KCTD8: variants seen among roughly 807,000 people sequenced by gnomAD.
The protein encoded by KCTD8 is BTB/POZ domain-containing protein KCTD8.
Under a neutral mutation model 31.5 loss-of-function variants are expected in KCTD8, and 27 were observed. The ratio of observed to expected loss-of-function variants is 0.86; its 90% CI spans 0.63 to 1.18. KCTD8 has a LOEUF of 1.18. Among genes scored for constraint, KCTD8 ranks in the 50% most tolerant of loss-of-function variants. The pLI is 0.00. For missense variants in KCTD8, 658 were observed against 647.7 expected (o/e 1.02, Z -0.17); for synonymous variants, 290 against 280.0 (o/e 1.04, Z -0.36).
At chr4:44,354,372 G>A (rs1347933093) in intron 1 of KCTD8, among the ~76,000 whole-genome samples, 1 of 152,094 alleles carries the variant, frequency 6.6e-6, no homozygotes, top group Non-Finnish European at 1.5e-5. Context: ...GAAACTGGAT[G>A]ACTCTTCCCT....
intron 1 of KCTD8, among the ~76,000 whole-genome samples, chr4:44,268,150 T>C (rs1008421993): frequency 2.0e-5 from 3 of 152,140 alleles, no homozygotes; most frequent in Non-Finnish European, 2.9e-5. Flanking sequence ...CTCAATAAAA[T>C]ACTGGCAAAC....
intron 1 of KCTD8, among the ~76,000 whole-genome samples, chr4:44,265,227 C>T (rs981333517): frequency 1.3e-5 from 2 of 152,102 alleles, no homozygotes; most frequent in Non-Finnish European, 2.9e-5. Context: ...GCAGCATTCA[C>T]GGTTCACGAA....
chr4:44,237,922 A>G (rs1715339585), intron 1 of KCTD8, among the ~76,000 whole-genome samples: 1 of 152,168 alleles, frequency 6.6e-6, no homozygotes, highest in African/African-American at 2.4e-5. Context: ...TAATGTGTAC[A>G]TACCCAAATC....
intron 1 of KCTD8, among the ~76,000 whole-genome samples, chr4:44,181,784 T>C (rs1202941480): frequency 7.0e-6 from 1 of 143,728 alleles, no homozygotes; most frequent in African/African-American, 2.6e-5. Flanking sequence ...CCGGCCGCCA[T>C]CCCATCTAGG....
intron 1 of KCTD8, among the ~76,000 whole-genome samples, chr4:44,362,192 G>A (rs1005326738): frequency 1.1e-4 from 16 of 152,158 alleles, no homozygotes; most frequent in South Asian, 2.1e-4. Context: ...CCAGCCACAC[G>A]TAGGTGAGTC....
At chr4:44,332,938 G>A (rs1485624607) in intron 1 of KCTD8, among the ~76,000 whole-genome samples, 1 of 151,940 alleles carries the variant, frequency 6.6e-6, no homozygotes, top group African/African-American at 2.4e-5. Flanking sequence ...CTCCTCAAAG[G>A]GCAGTCACCC....
intron 1 of KCTD8, among the ~76,000 whole-genome samples, chr4:44,363,842 G>A (rs1432828551): frequency 6.6e-6 from 1 of 151,610 alleles, no homozygotes; most frequent in Non-Finnish European, 1.5e-5. Flanking sequence ...GTCCAACTAT[G>A]GACAAAAAAC....
chr4:44,245,767 C>A (rs1326539362), intron 1 of KCTD8, among the ~76,000 whole-genome samples: 3 of 151,720 alleles, frequency 2.0e-5, no homozygotes, highest in Non-Finnish European at 4.4e-5. Flanking sequence ...AAGTAGAAGA[C>A]TGATTGCAGA....
intron 1 of KCTD8, among the ~76,000 whole-genome samples, chr4:44,430,457 G>A (rs1182121261): frequency 6.6e-6 from 1 of 151,700 alleles, no homozygotes; most frequent in Non-Finnish European, 1.5e-5. Context: ...TGGAAAGGGA[G>A]TATGTTATGG....
chr4:44,421,856 AT>A (rs1377797372), intron 1 of KCTD8, among the ~76,000 whole-genome samples: 2 of 152,122 alleles, frequency 1.3e-5, no homozygotes, highest in African/African-American at 2.4e-5. Context: ...TGGAAAAAAA[AT>A]CACAATGGCC....
chr4:44,405,283 G>C (rs1430308854), intron 1 of KCTD8, among the ~76,000 whole-genome samples: 5 of 151,924 alleles, frequency 3.3e-5, no homozygotes, highest in African/African-American at 1.2e-4. Flanking sequence ...TTGTGAGACG[G>C]AGTCTCGCTC....
intron 1 of KCTD8, among the ~76,000 whole-genome samples, chr4:44,383,014 A>C (rs1487146655): frequency 2.5e-5 from 2 of 78,448 alleles, no homozygotes; most frequent in East Asian, 6.4e-4. Context: ...CACCAACAAC[A>C]AACTAGCTGA....
intron 1 of KCTD8, among the ~76,000 whole-genome samples, chr4:44,326,574 T>C (rs1280034611): frequency 6.6e-6 from 1 of 151,858 alleles, no homozygotes; most frequent in Non-Finnish European, 1.5e-5. Context: ...TTAAGCATTA[T>C]TTTACTTTCA....
At chr4:44,300,377 G>A (rs35192450) in intron 1 of KCTD8, among the ~76,000 whole-genome samples, 9,403 of 151,936 alleles carry the variant, frequency 0.062, 424 homozygotes, top group Admixed American at 0.15. Flanking sequence ...ATGAGAAAAC[G>A]TTTTCTGTAT....
chr4:44,403,546 T>C (rs2109458382), intron 1 of KCTD8, among the ~76,000 whole-genome samples: 1 of 152,138 alleles, frequency 6.6e-6, no homozygotes, highest in East Asian at 1.9e-4. Flanking sequence ...CTGAGGCCCT[T>C]CCCTTTGGCT....
chr4:44,443,077 C>A (rs1158590618), intron 1 of KCTD8, among the ~76,000 whole-genome samples: 1 of 152,176 alleles, frequency 6.6e-6, no homozygotes, highest in East Asian at 1.9e-4. Context: ...ATTTTGTCTG[C>A]TTTATTACTG....
intron 1 of KCTD8, among the ~76,000 whole-genome samples, chr4:44,180,294 G>T (rs942972111): frequency 6.6e-6 from 1 of 151,960 alleles, no homozygotes; most frequent in Non-Finnish European, 1.5e-5. Context: ...CAACAGATTA[G>T]TGAATAAGCA....
At chr4:44,442,084 C>G (rs796318432) in intron 1 of KCTD8, among the ~76,000 whole-genome samples, 1 of 151,846 alleles carries the variant, frequency 6.6e-6, no homozygotes, top group Non-Finnish European at 1.5e-5. Flanking sequence ...AAAAATATGT[C>G]TTTTTATCTA....
intron 1 of KCTD8, among the ~76,000 whole-genome samples, chr4:44,288,982 G>A (rs536649222): frequency 6.6e-6 from 1 of 151,276 alleles, no homozygotes; most frequent in East Asian, 1.9e-4. Flanking sequence ...AATGATACAG[G>A]TTAAAATATA....
Sources: allele counts gnomAD v4.1 joint callset (sites outside exome capture counted in the v4.1 genomes callset), GRCh38; gene constraint gnomAD v4.1.1; transcripts MANE v1.5; gene names NCBI Gene and HGNC (gene_info 2026-07-23, HGNC 2026-07-21).